The following POLR2F variants were observed in gnomAD, a reference collection of about 807,000 sequenced individuals.
POLR2F encodes the protein RNA polymerase II, I and III subunit F, also known as DNA-directed RNA polymerases I, II, and III subunit RPABC2.
Under a neutral mutation model 22.7 loss-of-function variants are expected in POLR2F, and 12 were observed. That is an observed-to-expected ratio of 0.53 (90% CI 0.34 to 0.86). The LOEUF (loss-of-function observed/expected upper bound fraction) is 0.86, where lower values mean the gene tolerates loss of function less well. Ranked by LOEUF, POLR2F falls within the 40% of genes least tolerant of loss-of-function variation. The pLI is 0.02. For missense variants in POLR2F, 126 were observed against 171.5 expected, an observed-to-expected ratio of 0.73 and a Z score of 1.48; for synonymous variants, 57 against 66.0, an observed-to-expected ratio of 0.86 and a Z score of 0.66.
chr22:37,963,048 G>A (rs1168419356), intron 3 of POLR2F, among the ~76,000 whole-genome samples: 2 of 150,772 alleles, frequency 1.3e-5, no homozygotes, highest in Non-Finnish European at 3.0e-5. Context: ...GTGCAGTGGT[G>A]TGATCTTGGC....
downstream of POLR2F, chr22:37,972,881 G>GATCCTTCC (rs1205396176): frequency 6.5e-6 from 1 of 153,366 alleles, no homozygotes; most frequent in Non-Finnish European, 1.5e-5. Context: ...GGGGGCCTCT[G>GATCCTTCC]TGCCAACTCC....
intron 1 of POLR2F, among the ~76,000 whole-genome samples, chr22:38,018,936 C>T (rs1010544959): frequency 2.0e-5 from 3 of 152,186 alleles, no homozygotes; most frequent in South Asian, 2.1e-4. Flanking sequence ...GAAATCCCCC[C>T]GTCTCCAGGG....
At chr22:37,983,083 C>T (rs1932450359), upstream of POLR2F, among the ~76,000 whole-genome samples, 1 of 152,238 alleles carries the variant, frequency 6.6e-6, no homozygotes, top group African/African-American at 2.4e-5. This position sits in a 1 kb window ranked among gnomAD's most constrained non-coding sequence, Gnocchi z 9.5. Context: ...AGCCCCAGGC[C>T]CCACGGTCTG....
At position 37,953,817 on chromosome 22, in the gene POLR2F, G is replaced by C. The variant is rs529826521; in HGVS notation, c.20+10G>C. On this transcript the variant is annotated intron_variant, in intron 1 of 4. Transcript: ENST00000442738. ...CAGACAACGAGGACAAGTGAGTGCG[G>C]GAGCGGAGTGGCCTTTGCGGCAACC... 46 of 1,608,352 alleles carry C rather than the reference G, an allele frequency of 2.9e-5. No individual in the cohort carries two copies. The South Asian group carries it at 3.8e-4, about 13-fold the overall frequency.
chr22:37,960,032 A>C (rs1238646930), intron 3 of POLR2F, among the ~76,000 whole-genome samples: 2 of 152,022 alleles, frequency 1.3e-5, no homozygotes, highest in Non-Finnish European at 2.9e-5. Context: ...TCGAACGCCT[A>C]GCTTCAAGTG....
In POLR2F at chr22:37,966,748, G is replaced by A. The variant is rs571326929; in HGVS notation, c.222-351G>A. ...CCATTGCACTCCAGTCTGGGCAATGGGAGTGAAACCTTGTCTCCAAAAAGT... is the reference window on the plus strand; with the variant it reads ...CCATTGCACTCCAGTCTGGGCAATGAGAGTGAAACCTTGTCTCCAAAAAGT... On this transcript the variant is annotated intron_variant, in intron 3 of 4. Transcript: ENST00000442738. Among the ~76,000 whole-genome samples, 19 of 152,242 alleles carry A rather than the reference G, an allele frequency of 1.2e-4. No homozygotes were observed. The East Asian group carries it at 3.3e-3, about 26-fold the overall frequency.
At chr22:37,992,166 A>G (rs1388659824) in intron 1 of POLR2F, among the ~76,000 whole-genome samples, 1 of 152,176 alleles carries the variant, frequency 6.6e-6, no homozygotes, top group African/African-American at 2.4e-5. Flanking sequence ...TGACACCTCC[A>G]TTTATTAGCT....
chr22:37,983,810 G>A (rs1932485233), upstream of POLR2F: 1 of 1,403,662 alleles, frequency 7.1e-7, no homozygotes, highest in Admixed American at 2.7e-5. The surrounding 1 kb of genome is among the most constrained non-coding windows in gnomAD (Gnocchi z 9.5). Flanking sequence ...CGCCGCCGCC[G>A]CCTCGGCCGC....
chr22:38,026,076 G>A (rs763726941), exon 2 of POLR2F: 2 of 534,756 alleles, frequency 3.7e-6, no homozygotes, highest in Non-Finnish European at 7.7e-6. Flanking sequence ...AGAAGGTTTT[G>A]GTGGAGGACT....
chr22:38,002,067 C>T (rs1044472913), intron 1 of POLR2F, among the ~76,000 whole-genome samples: 1 of 152,006 alleles, frequency 6.6e-6, no homozygotes, highest in Non-Finnish European at 1.5e-5. Flanking sequence ...TCAGGCTGGT[C>T]CCAAACTCCT....
intron 1 of POLR2F, among the ~76,000 whole-genome samples, chr22:38,011,100 T>G (rs1467114639): frequency 1.3e-5 from 2 of 152,156 alleles, no homozygotes; most frequent in Non-Finnish European, 2.9e-5. Context: ...TTTGGGGCTA[T>G]GATCTGTTTC....
At chr22:38,023,002 ACT>A (rs1480455094) in intron 1 of POLR2F, among the ~76,000 whole-genome samples, 2 of 152,174 alleles carry the variant, frequency 1.3e-5, no homozygotes, top group Non-Finnish European at 1.5e-5. Flanking sequence ...CAAGAACAAG[ACT>A]CTGTCTCTGA....
In POLR2F at chr22:38,018,200, G is replaced by A. The variant is rs562084762; in HGVS notation, c.121-7669G>A. Among the ~76,000 whole-genome samples the A allele has an allele frequency of 1.2e-4, 19 of 152,322 alleles. No individual in the cohort carries two copies. The South Asian group carries it at 2.7e-3, about 22-fold the overall frequency. On this transcript the variant is annotated intron_variant, in intron 1 of 2. Coordinates refer to the POLR2F transcript ENST00000333418. Reference sequence around the variant, plus strand: ...ACTTTCGTTCATTCTGGGAGAGGGCGAAGGCTCAGTCTGAAGTCAAGATCA... The same window carrying A: ...ACTTTCGTTCATTCTGGGAGAGGGCAAAGGCTCAGTCTGAAGTCAAGATCA...
At chr22:38,004,585 A>G (rs921578579) in intron 1 of POLR2F, among the ~76,000 whole-genome samples, 3 of 152,194 alleles carry the variant, frequency 2.0e-5, no homozygotes, top group Non-Finnish European at 4.4e-5. Flanking sequence ...CCCTGAAGTT[A>G]AAAACCACTG....
downstream of POLR2F, chr22:37,970,914 G>A (rs1402421765): frequency 1.5e-5 from 4 of 265,010 alleles, no homozygotes; most frequent in African/African-American, 2.2e-5. Context: ...AATGGATATT[G>A]TCTAAAAGAT....
intron 5 of POLR2F, among the ~76,000 whole-genome samples, chr22:38,038,884 CGAGCGGCCCTCA>C: frequency 6.6e-6 from 1 of 151,762 alleles, no homozygotes; most frequent in South Asian, 2.1e-4. Context: ...CGCCATCTTG[CGAGCGGCCCTCA>C]GGGCGGCCTG....
At chr22:38,002,391 C>T (rs1159139906) in intron 1 of POLR2F, among the ~76,000 whole-genome samples, 2 of 152,188 alleles carry the variant, frequency 1.3e-5, no homozygotes, top group African/African-American at 4.8e-5. Context: ...TTTCAACATG[C>T]TTGATGCAAT....
intron 1 of POLR2F, among the ~76,000 whole-genome samples, chr22:38,020,300 T>G (rs1357943314): frequency 2.6e-5 from 4 of 152,006 alleles, no homozygotes; most frequent in African/African-American, 9.7e-5. Flanking sequence ...AGTCTCATAT[T>G]GTCTCTCAGG....
At chr22:37,983,517 T>G, upstream of POLR2F, 1 of 1,610,670 alleles carries the variant, frequency 6.2e-7, no homozygotes, top group Non-Finnish European at 8.5e-7. This position sits in a 1 kb window ranked among gnomAD's most constrained non-coding sequence, Gnocchi z 9.5. Flanking sequence ...CGCACGGGCA[T>G]GGGCACCAGC....
Sources: gnomAD v4.1 joint callset for allele counts (sites outside exome capture counted in the v4.1 genomes callset) on GRCh38, gnomAD v4.1.1 for gene constraint, Gnocchi (gnomAD v3.1) non-coding constraint, MANE v1.5 for transcripts, NCBI Gene and HGNC (gene_info 2026-07-23, HGNC 2026-07-21) for gene names.